The following CTTNBP2 variants were observed in gnomAD, a reference collection of about 807,000 sequenced individuals.
CTTNBP2 encodes the protein cortactin-binding protein 2.
A neutral mutation model predicts 156.9 loss-of-function variants in CTTNBP2; 108 were observed. That is an observed-to-expected ratio of 0.69 (90% CI 0.59 to 0.81). The LOEUF is 0.81. Among genes scored for constraint, CTTNBP2 ranks in the 30% least tolerant of loss-of-function variants. The probability of loss-of-function intolerance (pLI) is 0.00; values close to 1 mark genes in which losing one functional copy is unlikely to be tolerated. For missense variants in CTTNBP2, 1,924 were observed against 2,035.4 expected (o/e 0.95, Z 1.05); for synonymous variants, 767 against 751.8 (o/e 1.02, Z -0.33).
chr7:117,820,619 C>T (rs762789219), intron 2 of CTTNBP2, among the ~76,000 whole-genome samples: 10 of 152,144 alleles, frequency 6.6e-5, no homozygotes, highest in Non-Finnish European at 1.5e-4. Flanking sequence ...CAATCATCTG[C>T]TGAAAAGACT....
At chr7:117,734,785 C>T (rs1795587242) in intron 16 of CTTNBP2, 128 bp downstream of exon 16, 1 of 595,722 alleles carries the variant, frequency 1.7e-6, no homozygotes. Flanking sequence ...GTTTTTTGGC[C>T]CTTGAATGTC....
At position 117,861,435 on chromosome 7, in the gene CTTNBP2, G is replaced by A. The variant is rs182035221; in HGVS notation, c.82-119C>T. 4.0e-4 allele frequency: 267 copies of A among 674,072 alleles called. 1 individual carries two copies. In the African/African-American group the frequency reaches 4.3e-3, roughly 11 times the overall value. 41.8% of individuals were successfully genotyped at this position (674,072 alleles called of 1,614,324 possible). A position where few individuals can be genotyped will look rare whatever the true frequency, so the allele number is the denominator to read the frequency against. ...TGGCTCGGCAGATCCAGCAGGCACC[G>A]GGGTACTATTTGCAGCAGACAATTT... On this transcript the variant is annotated intron_variant, in intron 1 of 22. Coordinates refer to ENST00000160373, the MANE Select transcript of CTTNBP2 (RefSeq NM_033427.3).
chr7:117,743,274 A>G (rs1193781997), intron 14 of CTTNBP2, among the ~76,000 whole-genome samples: 1 of 152,224 alleles, frequency 6.6e-6, no homozygotes, highest in African/African-American at 2.4e-5. Flanking sequence ...AAAATACTTT[A>G]GCTTCTTATT....
chr7:117,860,485 C>T (rs578029389), intron 2 of CTTNBP2, among the ~76,000 whole-genome samples: 5 of 151,970 alleles, frequency 3.3e-5, no homozygotes, highest in South Asian at 4.2e-4. Context: ...TGGGACTACA[C>T]GCGCCCGCCA....
At chr7:117,826,143 G>A (rs1415938357) in intron 2 of CTTNBP2, among the ~76,000 whole-genome samples, 1 of 152,086 alleles carries the variant, frequency 6.6e-6, no homozygotes, top group Non-Finnish European at 1.5e-5. Flanking sequence ...ACCTTTGAGG[G>A]CCAAGAACTA....
chr7:117,783,137 C>T (rs1249541294), intron 5 of CTTNBP2, among the ~76,000 whole-genome samples, 176 bp from the exon 6 acceptor site: 1 of 152,084 alleles, frequency 6.6e-6, no homozygotes, highest in African/African-American at 2.4e-5. Context: ...GGAAAAGCAG[C>T]CAATTTTCCC....
At chr7:117,821,951 C>A (rs1800995724) in intron 2 of CTTNBP2, among the ~76,000 whole-genome samples, 1 of 151,908 alleles carries the variant, frequency 6.6e-6, no homozygotes, top group African/African-American at 2.4e-5. Context: ...CTTTTTAATA[C>A]CTTTGCAGTT....
chr7:117,748,520 T>TGA (rs944616790), intron 12 of CTTNBP2, among the ~76,000 whole-genome samples: 1 of 152,246 alleles, frequency 6.6e-6, no homozygotes, highest in Non-Finnish European at 1.5e-5. Context: ...TCTTTTGCAT[T>TGA]GAGAGAGCTC....
chr7:117,731,366 T>A (rs575797670), intron 16 of CTTNBP2, among the ~76,000 whole-genome samples: 8 of 152,344 alleles, frequency 5.3e-5, no homozygotes, highest in Non-Finnish European at 1.0e-4. Context: ...GAACACGTTT[T>A]TTTAAAATAG....
intron 21 of CTTNBP2, among the ~76,000 whole-genome samples, 155 bp from the exon 22 acceptor site, chr7:117,718,274 CAA>C (rs1196651161): frequency 1.3e-5 from 2 of 152,056 alleles, no homozygotes; most frequent in Non-Finnish European, 2.9e-5. Context: ...AGAAAGACTT[CAA>C]GTCTTAATGT....
Position 117,710,999 on chromosome 7 carries a change from ATACT to A in CTTNBP2, c.*534_*537del, listed in dbSNP as rs1794025055. ...ATAAAACTAGAATTTAACAAGCAAAATACTTAATATGGCTTTTAATGGAAAATAA... is the reference window on the plus strand; with the variant it reads ...ATAAAACTAGAATTTAACAAGCAAAATAATATGGCTTTTAATGGAAAATAA... On this transcript the variant is annotated 3_prime_UTR_variant, in exon 23 of 23. Transcript: ENST00000160373. The A allele has an allele frequency of 6.5e-6, 1 of 152,678 alleles. No individual in the cohort carries two copies. Among genetic ancestry groups the A allele is most frequent in the African/African-American group, 2.4e-5 (1 of 41,466 alleles). The allele number at this position is 152,678 out of a possible 1,614,324, so 9.5% of individuals were successfully genotyped here.
At chr7:117,757,218 C>T (rs543822286) in intron 11 of CTTNBP2, among the ~76,000 whole-genome samples, 1 of 152,276 alleles carries the variant, frequency 6.6e-6, no homozygotes, top group African/African-American at 2.4e-5. Flanking sequence ...AATTTTCAGA[C>T]TCCATTCCCA....
chr7:117,863,979 A>T (rs1157079789), intron 1 of CTTNBP2, among the ~76,000 whole-genome samples: 1 of 152,154 alleles, frequency 6.6e-6, no homozygotes, highest in East Asian at 1.9e-4. Flanking sequence ...TGCTCTAAAG[A>T]TTTTAATTAA....
At chr7:117,833,338 G>T (rs767713837) in intron 2 of CTTNBP2, among the ~76,000 whole-genome samples, 2 of 152,130 alleles carry the variant, frequency 1.3e-5, no homozygotes, top group African/African-American at 2.4e-5. Flanking sequence ...GGCATGCTTT[G>T]CCTCCTGTTT....
chr7:117,844,376 G>C (rs1306028231), intron 2 of CTTNBP2, among the ~76,000 whole-genome samples: 2 of 152,158 alleles, frequency 1.3e-5, no homozygotes, highest in Non-Finnish European at 2.9e-5. Flanking sequence ...GGGTGAAGCA[G>C]GAAGATTTAA....
intron 2 of CTTNBP2, among the ~76,000 whole-genome samples, chr7:117,856,705 G>A (rs893036185): frequency 2.0e-5 from 3 of 152,112 alleles, no homozygotes; most frequent in African/African-American, 7.2e-5. Flanking sequence ...AAGGAAAAAG[G>A]CACAGAAAAA....
intron 2 of CTTNBP2, among the ~76,000 whole-genome samples, chr7:117,821,908 T>A (rs1389986356): frequency 6.6e-6 from 1 of 152,086 alleles, no homozygotes; most frequent in Non-Finnish European, 1.5e-5. Flanking sequence ...ATTTTTTACA[T>A]CTATAGTTAT....
intron 2 of CTTNBP2, among the ~76,000 whole-genome samples, chr7:117,849,929 CA>C (rs1190002593): frequency 6.6e-6 from 1 of 152,166 alleles, no homozygotes; most frequent in African/African-American, 2.4e-5. Flanking sequence ...TTTGGCTTGG[CA>C]CTTAGCTGTG....
At chr7:117,724,788 T>C (rs1211225516) in intron 18 of CTTNBP2, 56 bp from the exon 19 acceptor site, 2 of 1,566,680 alleles carry the variant, frequency 1.3e-6, no homozygotes, top group Non-Finnish European at 1.7e-6. Context: ...TAAAGCAAAA[T>C]ACATTTCCGT....
Sources: allele counts gnomAD v4.1 joint callset (sites outside exome capture counted in the v4.1 genomes callset), GRCh38; gene constraint gnomAD v4.1.1; transcripts MANE v1.5; gene names NCBI Gene and HGNC (gene_info 2026-07-23, HGNC 2026-07-21).